Variants in TSPAN15 observed in about 807,000 individuals in gnomAD.
TSPAN15 encodes tetraspanin-15.
TSPAN15 carries 20 observed loss-of-function variants against 34.5 expected under a neutral mutation model. The ratio of observed to expected loss-of-function variants is 0.58; its 90% confidence interval spans 0.41 to 0.84. The LOEUF (loss-of-function observed/expected upper bound fraction) is 0.84. Among genes scored for constraint, TSPAN15 ranks in the 40% least tolerant of loss-of-function variants. The pLI is 0.00. For synonymous variants in TSPAN15, 155 were observed against 153.9 expected (o/e 1.01, Z -0.05); for missense variants, 313 against 386.1 (o/e 0.81, Z 1.59).
rs186652763 is a variant in TSPAN15, at chr10:69,469,175, T to C, written c.97-14516T>C. ...AAAACTCTTGAACAATGAGATTTGATGAGCTTCTGGGTTTGGGAACTCACT... is the reference window on the plus strand; with the variant it reads ...AAAACTCTTGAACAATGAGATTTGACGAGCTTCTGGGTTTGGGAACTCACT... On this transcript the variant is annotated intron_variant, in intron 1 of 7. Coordinates refer to ENST00000373290, the MANE Select transcript of TSPAN15 (RefSeq NM_012339.5). Among the ~76,000 whole-genome samples the C allele has an allele frequency of 2.0e-3, 310 of 152,246 alleles. 1 individual carries two copies. Among genetic ancestry groups the C allele is most frequent in the South Asian group, 2.1e-3 (10 of 4,808 alleles).
chr10:69,495,969 C>T (rs1283708859), intron 4 of TSPAN15, among the ~76,000 whole-genome samples: 1 of 152,142 alleles, frequency 6.6e-6, no homozygotes, highest in Non-Finnish European at 1.5e-5. Flanking sequence ...CCCATACCCC[C>T]AAATAAAACA....
chr10:69,488,071 CT>C (rs1422622911), intron 3 of TSPAN15, among the ~76,000 whole-genome samples: 1 of 152,168 alleles, frequency 6.6e-6, no homozygotes, highest in African/African-American at 2.4e-5. Flanking sequence ...TACAAAAAGA[CT>C]TAAAGGAATG....
chr10:69,489,185 C>G (rs1841918008), intron 3 of TSPAN15, among the ~76,000 whole-genome samples: 1 of 152,212 alleles, frequency 6.6e-6, no homozygotes. Flanking sequence ...GATATCTTCC[C>G]TACTTGCATG....
At chr10:69,473,873 A>C (rs1479692877) in intron 1 of TSPAN15, among the ~76,000 whole-genome samples, 1 of 152,152 alleles carries the variant, frequency 6.6e-6, no homozygotes, top group Non-Finnish European at 1.5e-5. Flanking sequence ...TCAGGGGCAA[A>C]GGGTACAGTT....
chr10:69,540,238 T>A, the TSPAN15 span, among the ~76,000 whole-genome samples: 34 of 152,054 alleles, frequency 2.2e-4, no homozygotes, highest in African/African-American at 8.0e-4. Flanking sequence ...AAAAAACATT[T>A]AAAAAAATTA....
the TSPAN15 span, among the ~76,000 whole-genome samples, chr10:69,526,159 G>T: frequency 2.0e-5 from 3 of 147,450 alleles, no homozygotes; most frequent in South Asian, 4.3e-4. Context: ...TTGAAGAGAT[G>T]AAAAGAATTA....
chr10:69,460,985 T>G (rs1367763619), intron 1 of TSPAN15, among the ~76,000 whole-genome samples: 2 of 152,114 alleles, frequency 1.3e-5, no homozygotes, highest in Non-Finnish European at 2.9e-5. Context: ...TTGGTTTTCT[T>G]GTCTGCTGGG....
intron 3 of TSPAN15, among the ~76,000 whole-genome samples, chr10:69,489,511 C>T (rs1283886519): frequency 2.6e-5 from 4 of 152,188 alleles, no homozygotes; most frequent in Non-Finnish European, 5.9e-5. Flanking sequence ...TCCATGAAAT[C>T]GTCACAATTT....
chr10:69,494,741 C>T (rs1002912787), intron 3 of TSPAN15: 4 of 985,310 alleles, frequency 4.1e-6, no homozygotes, highest in African/African-American at 3.5e-5. Context: ...TTCAGTCTGG[C>T]ACCGGAGCCG....
chr10:69,452,282 C>T (rs970330317), intron 1 of TSPAN15, among the ~76,000 whole-genome samples: 1 of 152,230 alleles, frequency 6.6e-6, no homozygotes, highest in African/African-American at 2.4e-5. Flanking sequence ...TTTACCTCCT[C>T]CTCTGCCTTG....
At chr10:69,499,759 A>T (rs1340512481) in intron 5 of TSPAN15, among the ~76,000 whole-genome samples, 1 of 152,218 alleles carries the variant, frequency 6.6e-6, no homozygotes, top group Non-Finnish European at 1.5e-5. Flanking sequence ...ATACTGAGAA[A>T]GGCGGGATCT....
At chr10:69,537,729 G>A in the TSPAN15 span, among the ~76,000 whole-genome samples, 1 of 152,204 alleles carries the variant, frequency 6.6e-6, no homozygotes, top group South Asian at 2.1e-4. Context: ...CAGGACACCA[G>A]CATATGAATT....
chr10:69,511,683 C>A (rs181369488), downstream of TSPAN15, among the ~76,000 whole-genome samples: 12 of 152,256 alleles, frequency 7.9e-5, no homozygotes, highest in African/African-American at 2.6e-4. Context: ...AATTTTAGAT[C>A]TTTCCCACTT....
At chr10:69,535,529 C>T in the TSPAN15 span, among the ~76,000 whole-genome samples, 2 of 152,140 alleles carry the variant, frequency 1.3e-5, no homozygotes, top group African/African-American at 4.8e-5. Context: ...GCATTTATGC[C>T]ACTTCTCTTA....
Position 69,507,128 on chromosome 10 carries a change from G to A in TSPAN15, c.*150G>A, listed in dbSNP as rs1176474362. 2 of 1,452,370 alleles carry A rather than the reference G, an allele frequency of 1.4e-6. No individual in the cohort carries two copies. The highest frequency in any genetic ancestry group is 2.9e-5 in the Admixed American group (1 of 34,446). 90.0% of individuals were successfully genotyped at this position (1,452,370 alleles called of 1,614,324 possible). ...GTGTGTGCCTGTGTGTAGGTCCCACGGCCTCTGCCTCCCCAGGGAGCAGAG... is the reference window on the plus strand; with the variant it reads ...GTGTGTGCCTGTGTGTAGGTCCCACAGCCTCTGCCTCCCCAGGGAGCAGAG... On this transcript the variant is annotated 3_prime_UTR_variant, in exon 8 of 8. Transcript: ENST00000373290.
intron 1 of TSPAN15, among the ~76,000 whole-genome samples, chr10:69,453,535 A>G (rs929099168): frequency 6.6e-6 from 1 of 152,158 alleles, no homozygotes; most frequent in Non-Finnish European, 1.5e-5. Flanking sequence ...CCTTCCCCAG[A>G]TATATAATCA....
At chr10:69,460,211 TG>T (rs1378638878) in intron 1 of TSPAN15, among the ~76,000 whole-genome samples, 1 of 151,600 alleles carries the variant, frequency 6.6e-6, no homozygotes, top group Non-Finnish European at 1.5e-5. Context: ...TTCCAGAGGC[TG>T]GGCCCCTCCC....
downstream of TSPAN15, among the ~76,000 whole-genome samples, chr10:69,509,569 C>T (rs1399951578): frequency 6.6e-6 from 1 of 152,060 alleles, no homozygotes; most frequent in African/African-American, 2.4e-5. Context: ...TTTTGCTGTG[C>T]AGAAGCTCTT....
At chr10:69,498,934 G>A (rs1842145870) in intron 5 of TSPAN15, among the ~76,000 whole-genome samples, 1 of 152,158 alleles carries the variant, frequency 6.6e-6, no homozygotes, top group Admixed American at 6.5e-5. Context: ...AGGCAGGCAG[G>A]ACCTGCACCT....
Sources: gnomAD v4.1 joint callset for allele counts (sites outside exome capture counted in the v4.1 genomes callset) on GRCh38, gnomAD v4.1.1 for gene constraint, MANE v1.5 for transcripts, NCBI Gene and HGNC (gene_info 2026-07-23, HGNC 2026-07-21) for gene names.